Variants in MGAT5 observed in about 807,000 individuals in gnomAD.
The protein encoded by MGAT5 is alpha-1,6-mannosylglycoprotein 6-beta-N-acetylglucosaminyltransferase.
A neutral mutation model predicts 94.3 loss-of-function variants in MGAT5; 30 were observed. The observed-to-expected ratio is 0.32, with a 90% CI of 0.24 to 0.43. The LOEUF is 0.43. MGAT5 is among the 20% of genes least tolerant of loss of function. MGAT5 has a pLI of 1.00. For synonymous variants in MGAT5, 310 were observed against 322.9 expected (o/e 0.96, Z 0.43); for missense variants, 691 against 905.5 (o/e 0.76, Z 3.04).
At chr2:134,444,845 G>A (rs1001841499) in intron 15 of MGAT5, among the ~76,000 whole-genome samples, 1 of 152,192 alleles carries the variant, frequency 6.6e-6, no homozygotes, top group African/African-American at 2.4e-5. Flanking sequence ...AGGGTGCAAG[G>A]GCGCAGTTAA....
chr2:134,179,484 A>C (rs141468237), intron 1 of MGAT5, among the ~76,000 whole-genome samples: 19 of 152,138 alleles, frequency 1.2e-4, no homozygotes, highest in Non-Finnish European at 1.9e-4. Context: ...TCTAGGAGCA[A>C]TGTTTCAGGA....
chr2:134,219,675 GT>G (rs1209744359), intron 1 of MGAT5, among the ~76,000 whole-genome samples: 1 of 152,164 alleles, frequency 6.6e-6, no homozygotes, highest in East Asian at 1.9e-4. Flanking sequence ...CTACTAAGTT[GT>G]TGGGACCTAA....
intron 1 of MGAT5, among the ~76,000 whole-genome samples, chr2:134,134,472 G>T (rs1007199733): frequency 6.6e-6 from 1 of 152,156 alleles, no homozygotes; most frequent in Non-Finnish European, 1.5e-5. Context: ...TCTCCTCCCT[G>T]CCTATTCTGC....
chr2:134,318,629 G>A (rs764870559), intron 3 of MGAT5, 21 bp from the exon 4 acceptor site: 1 of 1,598,360 alleles, frequency 6.3e-7, no homozygotes, highest in South Asian at 1.1e-5. Flanking sequence ...GGGCTGCTCA[G>A]AGATGTTCTT....
chr2:134,159,188 C>CGTGTGTGT (rs138643972), intron 1 of MGAT5, among the ~76,000 whole-genome samples: 12,792 of 143,946 alleles, frequency 0.089, 641 homozygotes, highest in Middle Eastern at 0.12. Context: ...GGTCTAAATT[C>CGTGTGTGT]GTGTGTGTGT....
At chr2:134,198,657 G>A (rs893597349) in intron 1 of MGAT5, among the ~76,000 whole-genome samples, 1 of 152,152 alleles carries the variant, frequency 6.6e-6, no homozygotes, top group Non-Finnish European at 1.5e-5. Context: ...AAGACTAATG[G>A]GTTCCTATGA....
At chr2:134,363,917 A>C (rs1240245700) in intron 10 of MGAT5, among the ~76,000 whole-genome samples, 1 of 152,178 alleles carries the variant, frequency 6.6e-6, no homozygotes, top group Admixed American at 6.5e-5. Context: ...TCTCATGCTC[A>C]GCTTGTTTGT....
chr2:134,133,689 G>A (rs908674333), intron 1 of MGAT5, among the ~76,000 whole-genome samples: 8 of 152,182 alleles, frequency 5.3e-5, no homozygotes, highest in Non-Finnish European at 8.8e-5. Context: ...TAATCAAAGG[G>A]CCACCGAATG....
rs565885954 is a variant in MGAT5 at position 134,268,500 on chromosome 2, A to C, written c.242-1886A>C. On this transcript the variant is annotated intron_variant, in intron 1 of 15. Transcript: ENST00000281923. This position sits in a 1 kb window ranked among gnomAD's most constrained non-coding sequence, Gnocchi z 4.1. ...GTGACTGACTCCCGCTGTCTGTGCC[A>C]ACTAATGATGTGCCTGTGACAAACT... 2.0e-5 allele frequency among the ~76,000 whole-genome samples: 3 copies of C among 152,304 alleles called. No homozygotes were observed. The South Asian group carries it at 6.2e-4, about 32-fold the overall frequency.
chr2:134,132,966 C>T (rs1004132220), intron 1 of MGAT5, among the ~76,000 whole-genome samples: 1 of 152,108 alleles, frequency 6.6e-6, no homozygotes, highest in Non-Finnish European at 1.5e-5. Context: ...TATGCCCCCC[C>T]TTCTTAATTT....
intron 1 of MGAT5, among the ~76,000 whole-genome samples, chr2:134,260,407 G>A (rs1468920889): frequency 2.6e-5 from 4 of 152,164 alleles, no homozygotes; most frequent in Non-Finnish European, 5.9e-5. Flanking sequence ...GGCTTGGGAT[G>A]CTATGTCTAA....
intron 9 of MGAT5, among the ~76,000 whole-genome samples, chr2:134,360,399 T>A (rs1022013470): frequency 1.3e-5 from 2 of 152,188 alleles, no homozygotes; most frequent in African/African-American, 4.8e-5. Flanking sequence ...TTACTATATA[T>A]TAGTATATTA....
intron 1 of MGAT5, among the ~76,000 whole-genome samples, chr2:134,167,174 A>C (rs1190520958): frequency 6.6e-6 from 1 of 152,236 alleles, no homozygotes. Context: ...AACAGGCAGC[A>C]GTCACCTTCC....
chr2:134,196,213 T>C (rs1168413701), intron 1 of MGAT5, among the ~76,000 whole-genome samples: 4 of 152,190 alleles, frequency 2.6e-5, no homozygotes, highest in Non-Finnish European at 2.9e-5. Flanking sequence ...GAAGTGGAAA[T>C]TTTTGTGGAG....
intron 1 of MGAT5, among the ~76,000 whole-genome samples, chr2:134,130,202 G>T (rs960173173): frequency 1.4e-5 from 1 of 70,878 alleles, no homozygotes; most frequent in Non-Finnish European, 3.1e-5. Flanking sequence ...GCTGGAGCCC[G>T]CCCCGCCCCA....
chr2:134,328,459 A>G (rs1687771628), intron 4 of MGAT5, among the ~76,000 whole-genome samples: 1 of 152,068 alleles, frequency 6.6e-6, no homozygotes, highest in Admixed American at 6.6e-5. Context: ...GTTTCTCCTC[A>G]TTGAGGTCAA....
At chr2:134,224,717 G>A (rs1438029051) in intron 1 of MGAT5, among the ~76,000 whole-genome samples, 1 of 152,072 alleles carries the variant, frequency 6.6e-6, no homozygotes, top group Non-Finnish European at 1.5e-5. Flanking sequence ...TACCTCTTAG[G>A]GTTGATTGCT....
intron 1 of MGAT5, among the ~76,000 whole-genome samples, chr2:134,264,313 C>T (rs143788171): frequency 0.015 from 2,254 of 152,236 alleles, 46 homozygotes; most frequent in African/African-American, 0.049. Context: ...TGAGCCACCG[C>T]ACCCGGCCAG....
intron 10 of MGAT5, among the ~76,000 whole-genome samples, chr2:134,380,450 G>A (rs2106197340): frequency 6.6e-6 from 1 of 152,302 alleles, no homozygotes; most frequent in Admixed American, 6.5e-5. Flanking sequence ...GGCCTGTTGT[G>A]ATGCAAGTGG....
Sources: gnomAD v4.1 joint callset for allele counts (sites outside exome capture counted in the v4.1 genomes callset) on GRCh38, gnomAD v4.1.1 for gene constraint, Gnocchi (gnomAD v3.1) non-coding constraint, MANE v1.5 for transcripts, NCBI Gene and HGNC (gene_info 2026-07-23, HGNC 2026-07-21) for gene names.